The following RPS6KA5 variants were observed in gnomAD, a reference collection of about 807,000 sequenced individuals.
The protein encoded by RPS6KA5 is ribosomal protein S6 kinase A5.
Under a neutral mutation model 85.5 loss-of-function variants are expected in RPS6KA5, and 27 were observed. The ratio of observed to expected loss-of-function variants is 0.32; its 90% CI spans 0.23 to 0.44. The LOEUF (loss-of-function observed/expected upper bound fraction) is 0.44. RPS6KA5 is among the 20% of genes least tolerant of loss of function. RPS6KA5 has a pLI of 1.00. For missense variants in RPS6KA5, 811 were observed against 980.9 expected (o/e 0.83, Z 2.31); for synonymous variants, 334 against 348.2 (o/e 0.96, Z 0.46).
At chr14:90,879,339 G>C (rs760758068) in intron 14 of RPS6KA5, among the ~76,000 whole-genome samples, 49 of 152,214 alleles carry the variant, frequency 3.2e-4, no homozygotes, top group Non-Finnish European at 6.2e-4. Flanking sequence ...CTCACTGAAG[G>C]AGGTTCCCTA....
intron 2 of RPS6KA5, among the ~76,000 whole-genome samples, chr14:90,988,154 A>G (rs555482136): frequency 6.6e-6 from 1 of 152,224 alleles, no homozygotes; most frequent in African/African-American, 2.4e-5. Context: ...ATGGAAATAA[A>G]TGCATCAGCA....
At chr14:90,981,395 T>G (rs931339348) in intron 2 of RPS6KA5, among the ~76,000 whole-genome samples, 6 of 152,184 alleles carry the variant, frequency 3.9e-5, no homozygotes, top group Non-Finnish European at 7.3e-5. Context: ...CCCACTGATA[T>G]GTTGTGTGGG....
intron 7 of RPS6KA5, among the ~76,000 whole-genome samples, chr14:90,908,076 C>G (rs2035607131): frequency 1.3e-5 from 2 of 152,194 alleles, no homozygotes; most frequent in Admixed American, 1.3e-4. Context: ...AACATTTCAA[C>G]TTGTATTGGA....
chr14:90,873,027 A>C (rs1306221322), intron 16 of RPS6KA5, among the ~76,000 whole-genome samples: 3 of 152,218 alleles, frequency 2.0e-5, no homozygotes, highest in South Asian at 2.1e-4. Flanking sequence ...GCTGCTGAAG[A>C]AGCACTATCC....
At chr14:90,918,718 T>C (rs963182504) in intron 7 of RPS6KA5, among the ~76,000 whole-genome samples, 4 of 152,236 alleles carry the variant, frequency 2.6e-5, no homozygotes, top group African/African-American at 9.6e-5. Flanking sequence ...TTCTTGAAGT[T>C]CACTTTTTTC....
chr14:90,960,782 C>CA (rs1483283426), intron 3 of RPS6KA5, among the ~76,000 whole-genome samples: 1 of 152,166 alleles, frequency 6.6e-6, no homozygotes, highest in Non-Finnish European at 1.5e-5. Context: ...ATTTCTTCCA[C>CA]AAAAAATTGT....
intron 14 of RPS6KA5, among the ~76,000 whole-genome samples, chr14:90,876,252 AC>A (rs1193565559): frequency 4.6e-5 from 7 of 152,148 alleles, no homozygotes; most frequent in Admixed American, 4.6e-4. Context: ...AGATAGCAGA[AC>A]TCCTGAATAA....
intron 5 of RPS6KA5, among the ~76,000 whole-genome samples, chr14:90,932,709 T>A (rs769571937): frequency 6.6e-6 from 1 of 152,212 alleles, no homozygotes; most frequent in Non-Finnish European, 1.5e-5. Context: ...GAACTGACCA[T>A]GCTACTCGTT....
rs2031938028 is a variant in RPS6KA5 at position 90,850,461 on chromosome 14, T to TAAA, written c.*21612_*21613insTTT. 1 of 17,580 alleles carries TAAA rather than the reference T, an allele frequency of 5.7e-5. No homozygotes were observed. The highest frequency in any genetic ancestry group is 2.6e-4 in the African/African-American group (1 of 3,774). 1.1% of individuals were successfully genotyped at this position (17,580 alleles called of 1,614,324 possible). A position where few individuals can be genotyped will look rare whatever the true frequency, so the allele number is the denominator to read the frequency against. ...ACAACCTAATCAATGTGGGAAACCA[T>TAAA]ACAAAAAAAAAAAAAAAAAACAGAA... is the stretch of plus-strand genomic sequence containing the variant. On this transcript the variant is annotated 3_prime_UTR_variant, in exon 17 of 17. Coordinates refer to ENST00000614987, the MANE Select transcript of RPS6KA5 (RefSeq NM_004755.4).
rs2032238196 is a variant in RPS6KA5, at chr14:90,855,604, A to ATTTTTGTTTTTT, written c.*16469_*16470insAAAAAACAAAAA. 1 of 130,170 alleles carries ATTTTTGTTTTTT rather than the reference A, an allele frequency of 7.7e-6. No individual in the cohort carries two copies. The highest frequency in any genetic ancestry group is 3.4e-5 in the African/African-American group (1 of 29,820). The allele number at this position is 130,170 out of a possible 1,614,324, so 8.1% of individuals were successfully genotyped here. A position where few individuals can be genotyped will look rare whatever the true frequency, so the allele number is the denominator to read the frequency against. On this transcript the variant is annotated 3_prime_UTR_variant, in exon 17 of 17. Transcript: ENST00000614987. ...AGGCACCCACCACCACGCCCAGCTAATTTTTGTATTTTTTTTTTTTTGAGA... is the reference window on the plus strand; with the variant it reads ...AGGCACCCACCACCACGCCCAGCTAATTTTTGTTTTTTTTTTTGTATTTTTTTTTTTTTGAGA...
chr14:91,026,228 T>G (rs180801670), intron 1 of RPS6KA5, among the ~76,000 whole-genome samples: 1 of 152,176 alleles, frequency 6.6e-6, no homozygotes, highest in Admixed American at 6.5e-5. Flanking sequence ...CACATTTTTA[T>G]TTTGTTCTCT....
chr14:90,984,113 T>C (rs1198591489), intron 2 of RPS6KA5, among the ~76,000 whole-genome samples: 1 of 152,216 alleles, frequency 6.6e-6, no homozygotes, highest in Non-Finnish European at 1.5e-5. Flanking sequence ...CCCAAAGTGC[T>C]GGGATTACAG....
intron 3 of RPS6KA5, among the ~76,000 whole-genome samples, chr14:90,953,157 A>G (rs1210850146): frequency 6.6e-6 from 1 of 152,194 alleles, no homozygotes. Context: ...GTGGCAGAGG[A>G]ACATAAACTG....
chr14:90,882,143 T>A (rs1015560721), intron 14 of RPS6KA5, among the ~76,000 whole-genome samples: 1 of 152,220 alleles, frequency 6.6e-6, no homozygotes, highest in Non-Finnish European at 1.5e-5. Context: ...TCTTTTTGTA[T>A]ATATTCTATA....
intron 2 of RPS6KA5, among the ~76,000 whole-genome samples, chr14:90,994,560 G>GTT (rs1672471008): frequency 3.7e-5 from 4 of 107,070 alleles, no homozygotes; most frequent in African/African-American, 7.2e-5. Context: ...GGATGTTTGT[G>GTT]ATTTTTTTTT....
chr14:90,930,295 T>C (rs1204300396), intron 5 of RPS6KA5, among the ~76,000 whole-genome samples: 1 of 152,200 alleles, frequency 6.6e-6, no homozygotes, highest in African/African-American at 2.4e-5. Context: ...ATGACAGAAG[T>C]TGCATTTCGA....
chr14:90,993,734 A>G (rs1489449042), intron 2 of RPS6KA5, among the ~76,000 whole-genome samples: 1 of 152,112 alleles, frequency 6.6e-6, no homozygotes, highest in African/African-American at 2.4e-5. Flanking sequence ...TGATGTATCT[A>G]CATAAGAATT....
intron 1 of RPS6KA5, among the ~76,000 whole-genome samples, chr14:91,038,317 T>C (rs2042477471): frequency 6.6e-6 from 1 of 152,210 alleles, no homozygotes; most frequent in African/African-American, 2.4e-5. Flanking sequence ...AAGAGACTTA[T>C]ATAGGAGTTT....
At chr14:91,021,312 G>A (rs938632643) in intron 1 of RPS6KA5, among the ~76,000 whole-genome samples, 12 of 151,768 alleles carry the variant, frequency 7.9e-5, no homozygotes, top group Admixed American at 3.3e-4. Flanking sequence ...TATCTATTAG[G>A]CTACTCATGA....
Sources: allele counts gnomAD v4.1 joint callset (sites outside exome capture counted in the v4.1 genomes callset), GRCh38; gene constraint gnomAD v4.1.1; transcripts MANE v1.5; gene names NCBI Gene and HGNC (gene_info 2026-07-23, HGNC 2026-07-21).